The following TGM4 variants were observed in gnomAD, a reference collection of about 807,000 sequenced individuals.
TGM4 encodes the protein protein-glutamine gamma-glutamyltransferase 4.
Under a neutral mutation model 76.3 loss-of-function variants are expected in TGM4, and 61 were observed. That is an observed-to-expected ratio of 0.80 (90% confidence interval 0.65 to 0.99). The LOEUF (loss-of-function observed/expected upper bound fraction) is 0.99. TGM4 is among the 50% of genes least tolerant of loss of function. The pLI is 0.00. For missense variants in TGM4, 794 were observed against 843.2 expected (o/e 0.94, Z 0.72); for synonymous variants, 337 against 329.8 (o/e 1.02, Z -0.24).
intron 6 of TGM4, chr3:44,899,621 C>T (rs1699825721): frequency 6.6e-6 from 1 of 152,238 alleles, no homozygotes; most frequent in African/African-American, 2.4e-5. Context: ...AGACGACTCC[C>T]ACACCAGGCA....
At chr3:44,901,739 G>T in intron 7 of TGM4, 41 bp downstream of exon 7, 1 of 1,612,886 alleles carries the variant, frequency 6.2e-7, no homozygotes, top group Non-Finnish European at 8.5e-7. Flanking sequence ...AGGTCCCAAG[G>T]GAGGGACTCC....
intron 9 of TGM4, among the ~76,000 whole-genome samples, chr3:44,905,130 G>A (rs377020203): frequency 1.3e-5 from 2 of 151,998 alleles, no homozygotes; most frequent in Non-Finnish European, 2.9e-5. Flanking sequence ...GATTACAGGC[G>A]CCTGCCACCA....
intron 13 of TGM4, 112 bp from the exon 14 acceptor site, chr3:44,913,472 C>T (rs1700034576): frequency 2.9e-6 from 4 of 1,402,130 alleles, no homozygotes; most frequent in East Asian, 2.4e-5. Context: ...CAGGACTTTT[C>T]AAAGAGGCTG....
chr3:44,903,729 C>T lies in TGM4; in HGVS notation c.972-155C>T, dbSNP rs566975043. 4 of 699,842 alleles carry T rather than the reference C, an allele frequency of 5.7e-6. No homozygotes were observed. The African/African-American group carries it at 7.0e-5, about 12-fold the overall frequency. 43.4% of individuals were successfully genotyped at this position (699,842 alleles called of 1,614,324 possible). A position where few individuals can be genotyped will look rare whatever the true frequency, so the allele number is the denominator to read the frequency against. Reference sequence around the variant, plus strand: ...GAGGCAGGTGGGACTCACCGGTGGCCCCTTCCTTGCCAGTGTTGACAAAGG... The same window carrying T: ...GAGGCAGGTGGGACTCACCGGTGGCTCCTTCCTTGCCAGTGTTGACAAAGG... On this transcript the variant is annotated intron_variant, in intron 8 of 13. Coordinates refer to ENST00000296125, the MANE Select transcript of TGM4 (RefSeq NM_003241.4).
rs112881454 is a variant in TGM4 at position 44,875,483 on chromosome 3, G to A, written c.19+786G>A. ...GCTTCTCAGAGTGGGGAATAGCAGAGCGGAGTCATGTGCCAGGCTCTGTGT... is the reference window on the plus strand; with the variant it reads ...GCTTCTCAGAGTGGGGAATAGCAGAACGGAGTCATGTGCCAGGCTCTGTGT... On this transcript the variant is annotated intron_variant, in intron 1 of 13. Coordinates refer to ENST00000296125, the MANE Select transcript of TGM4 (RefSeq NM_003241.4). 1.2e-3 allele frequency among the ~76,000 whole-genome samples: 185 copies of A among 152,292 alleles called. 1 individual carries two copies. The Middle Eastern group carries it at 0.031, about 25-fold the overall frequency.
chr3:44,912,529 A>G (rs1033550403), intron 13 of TGM4, among the ~76,000 whole-genome samples: 14 of 152,192 alleles, frequency 9.2e-5, no homozygotes, highest in Admixed American at 2.0e-4. Context: ...TATGATTATC[A>G]TATCTACATA....
chr3:44,908,504 T>C (rs541062189), intron 10 of TGM4, among the ~76,000 whole-genome samples: 2 of 152,196 alleles, frequency 1.3e-5, no homozygotes, highest in East Asian at 3.9e-4. Flanking sequence ...CACTTGATGG[T>C]GTCCCTCAGG....
chr3:44,904,410 G>A (rs1699896684), intron 9 of TGM4, among the ~76,000 whole-genome samples: 1 of 152,192 alleles, frequency 6.6e-6, no homozygotes, highest in African/African-American at 2.4e-5. Context: ...TTCAGCCCAA[G>A]TCAGACATAA....
chr3:44,910,266 C>T lies in TGM4; in HGVS notation c.1504C>T (p.Gln502Ter). Residue 502 changes from glutamine (Q) to a stop codon, truncating the protein, a stop_gained, in exon 11 of 14, where the codon CAG (glutamine) becomes TAG (stop). Coordinates refer to ENST00000296125, the MANE Select transcript of TGM4 (RefSeq NM_003241.4). LOFTEE classifies it high-confidence loss of function. ...TCTTAAAAGGAAGACCGCTGCCCTA[C>T]AGAATGTCAACATCTTGGGCTCCTT... is the stretch of plus-strand genomic sequence containing the variant. ...VILKRKTAAL[Q>*]NVNILGSFEL... 6.2e-7 allele frequency: 1 copy of T among 1,614,238 alleles called. No homozygotes were observed. Among genetic ancestry groups the T allele is most frequent in the Non-Finnish European group, 8.5e-7 (1 of 1,180,038 alleles).
chr3:44,914,827 GT>G lies in TGM4; in HGVS notation c.*1104del, dbSNP rs964977438. 15 of 152,110 alleles carry G rather than the reference GT, an allele frequency of 9.9e-5. No individual in the cohort carries two copies. Among genetic ancestry groups the G allele is most frequent in the Non-Finnish European group, 1.0e-4 (7 of 68,032 alleles). 9.4% of individuals were successfully genotyped at this position (152,110 alleles called of 1,614,324 possible). On this transcript the variant is annotated 3_prime_UTR_variant, in exon 14 of 14. Coordinates refer to ENST00000296125, the MANE Select transcript of TGM4 (RefSeq NM_003241.4). Reference sequence around the variant, plus strand: ...GCAAAGGCACGTAGCTTGAATGAGGGTTATTTTGTGTCTAATTCACAGGAGA... The same window carrying G: ...GCAAAGGCACGTAGCTTGAATGAGGGTATTTTGTGTCTAATTCACAGGAGA...
intron 10 of TGM4, 27 bp downstream of exon 10, chr3:44,907,227 A>G (rs1463347717): frequency 6.2e-7 from 1 of 1,608,796 alleles, no homozygotes; most frequent in Admixed American, 1.7e-5. Flanking sequence ...GCTCCTTCTG[A>G]CTCAGCCCCT....
In TGM4 at chr3:44,889,170, TAAAAAAAA is replaced by T. The variant is rs546432543; in HGVS notation, c.300+1402_301-1399del. On this transcript the variant is annotated intron_variant, in intron 3 of 13. Transcript: ENST00000296125. Reference sequence around the variant, plus strand: ...CAACACAGGGCTACCCCATCTCTACTAAAAAAAAAAAAAAAAAAAAAAAAAAAAAAAAA... The same window carrying T: ...CAACACAGGGCTACCCCATCTCTACTAAAAAAAAAAAAAAAAAAAAAAAAA... The T allele has an allele frequency of 6.4e-3, 257 of 40,254 alleles. 3 individuals carry two copies. The highest frequency in any genetic ancestry group is 0.018 in the African/African-American group (219 of 12,514). The allele number at this position is 40,254 out of a possible 1,614,324, so 2.5% of individuals were successfully genotyped here.
chr3:44,909,749 GT>G (rs1403878087), intron 10 of TGM4, among the ~76,000 whole-genome samples: 3 of 152,152 alleles, frequency 2.0e-5, no homozygotes, highest in African/African-American at 7.2e-5. Context: ...AGATTGTGCT[GT>G]TTTTCTTGAA....
chr3:44,879,376 G>A (rs994751062), intron 1 of TGM4, among the ~76,000 whole-genome samples: 20 of 150,454 alleles, frequency 1.3e-4, no homozygotes, highest in Admixed American at 8.0e-4. Flanking sequence ...GCGTGATCTC[G>A]GCTCACTGCA....
At chr3:44,911,458 C>A (rs1467435594) in intron 13 of TGM4, 52 bp downstream of exon 13, 2 of 1,596,246 alleles carry the variant, frequency 1.3e-6, no homozygotes, top group South Asian at 2.2e-5. Flanking sequence ...ATATATCTTG[C>A]ACATGTGTGC....
chr3:44,901,396 C>A, intron 6 of TGM4, 128 bp from the exon 7 acceptor site: 1 of 1,165,710 alleles, frequency 8.6e-7, no homozygotes, highest in Non-Finnish European at 1.2e-6. Context: ...TTCTGGAAAG[C>A]CCACGTCCTC....
At chr3:44,879,257 CTCTCTCTCTATATA>C (rs1308511080) in intron 1 of TGM4, among the ~76,000 whole-genome samples, 7 of 100,468 alleles carry the variant, frequency 7.0e-5, no homozygotes, top group Non-Finnish European at 1.3e-4. Flanking sequence ...CTCTCTCTCT[CTCTCTCTCTATATA>C]TATATATATA....
At chr3:44,891,957 A>G (rs1425351999) in intron 4 of TGM4, among the ~76,000 whole-genome samples, 1 of 142,668 alleles carries the variant, frequency 7.0e-6, no homozygotes, top group African/African-American at 2.6e-5. Flanking sequence ...CTCTGTCTCA[A>G]AAAAGGAAAA....
At chr3:44,879,265 C>CTCTCTCTCTCTCTATATA (rs1482970491) in intron 1 of TGM4, among the ~76,000 whole-genome samples, 1 of 92,276 alleles carries the variant, frequency 1.1e-5, no homozygotes, top group South Asian at 3.8e-4. Flanking sequence ...CTCTCTCTCT[C>CTCTCTCTCTCTCTATATA]TATATATATA....
Sources: allele counts gnomAD v4.1 joint callset (sites outside exome capture counted in the v4.1 genomes callset), GRCh38; gene constraint gnomAD v4.1.1; transcripts MANE v1.5; gene names NCBI Gene and HGNC (gene_info 2026-07-23, HGNC 2026-07-21).